MYO19: variants seen among roughly 807,000 people sequenced by gnomAD.
The protein encoded by MYO19 is myosin XIX.
Under a neutral mutation model 129.2 loss-of-function variants are expected in MYO19, and 132 were observed. The ratio of observed to expected loss-of-function variants is 1.02; its 90% CI spans 0.89 to 1.18. MYO19 has a LOEUF of 1.18. Among genes scored for constraint, MYO19 ranks in the 50% most tolerant of loss-of-function variants. The pLI is 0.00. For missense variants in MYO19, 1,210 were observed against 1,216.7 expected (o/e 0.99, Z 0.08); for synonymous variants, 531 against 477.2 (o/e 1.11, Z -1.47).
At position 36,507,079 on chromosome 17, in the gene MYO19, G is replaced by A. The variant is rs770590300; in HGVS notation, c.1528C>T (p.Leu510=). Residue 510 remains leucine, a synonymous_variant, in exon 17 of 26, where the codon CTG becomes TTG. Coordinates refer to ENST00000614623, the MANE Select transcript of MYO19 (RefSeq NM_001163735.2). The part of the protein sequence containing the change: ...AQLQTRIETA[L]AGSPCLGHNK... Reference sequence around the variant, plus strand: ...TGGCCCAGGCAGGGGCTGCCTGCCAGGGCAGTCTCAATGCGTGTCTGGAGC... The same window carrying A: ...TGGCCCAGGCAGGGGCTGCCTGCCAAGGCAGTCTCAATGCGTGTCTGGAGC... The A allele has an allele frequency of 1.2e-6, 2 of 1,613,498 alleles. No individual in the cohort carries two copies. The highest frequency in any genetic ancestry group is 1.3e-5 in the African/African-American group (1 of 74,934).
intron 5 of MYO19, among the ~76,000 whole-genome samples, chr17:36,527,292 C>T (rs1220727461): frequency 6.6e-6 from 1 of 151,870 alleles, no homozygotes; most frequent in African/African-American, 2.4e-5. Context: ...AAAAAAAATC[C>T]TTTCTCTTAT....
intron 6 of MYO19, among the ~76,000 whole-genome samples, chr17:36,521,847 A>G (rs1020193300): frequency 6.6e-6 from 1 of 151,926 alleles, no homozygotes; most frequent in Non-Finnish European, 1.5e-5. Context: ...CTTGGCCAAC[A>G]TGGTGAAACC....
At position 36,528,064 on chromosome 17, in the gene MYO19, C is replaced by T. The variant is rs775802725; in HGVS notation, c.151G>A (p.Val51Ile). 1.9e-6 allele frequency: 3 copies of T among 1,612,690 alleles called. No individual in the cohort carries two copies. In the African/African-American group the frequency reaches 4.0e-5, roughly 21 times the overall value. Residue 51 changes from valine to isoleucine, a missense_variant and splice_region_variant, in exon 4 of 26, where the codon GTC becomes ATC. By Grantham distance (29) the Val-to-Ile change is conservative (BLOSUM62 3). Transcript: ENST00000614623. ...TRVNPVTLET[V>I]LRCLQARYMA... is the part of the protein sequence containing the mutation. ...CTCCTGAGGAATGGGAGGCCCATAC[C>T]TGTCTCTAGTGTCACAGGATTCACC...
At chr17:36,518,955 A>C (rs927306423) in intron 6 of MYO19, among the ~76,000 whole-genome samples, 1 of 152,132 alleles carries the variant, frequency 6.6e-6, no homozygotes, top group Non-Finnish European at 1.5e-5. Flanking sequence ...CTCAAGGAAC[A>C]TAGTTTGTAT....
At chr17:36,542,451 G>A (rs907436295) in intron 1 of MYO19, among the ~76,000 whole-genome samples, 2 of 152,138 alleles carry the variant, frequency 1.3e-5, no homozygotes, top group Non-Finnish European at 1.5e-5. Flanking sequence ...TGTAATCCCA[G>A]CACTTTGGGA....
rs746378255 is a variant in MYO19, at chr17:36,498,447, G to A, written c.2576C>T (p.Ala859Val). ...TSPLQTRLLE[A>V]IIRLWPLGLV... is the part of the protein sequence containing the mutation. Reference sequence around the variant, plus strand: ...TCCCAGGGGCCAGAGGCGGATTATTGCCTCCAGGAGCCTGGTCTGCAGCGG... The same window carrying A: ...TCCCAGGGGCCAGAGGCGGATTATTACCTCCAGGAGCCTGGTCTGCAGCGG... Residue 859 changes from alanine to valine, a missense_variant, in exon 25 of 26, where the codon GCA becomes GTA. Transcript: ENST00000614623. The A allele has an allele frequency of 1.9e-6, 3 of 1,614,006 alleles. No individual in the cohort carries two copies. The highest frequency in any genetic ancestry group is 1.1e-5 in the South Asian group (1 of 91,088).
upstream of MYO19, chr17:36,537,464 A>G (rs777617587): frequency 6.2e-7 from 1 of 1,614,186 alleles, no homozygotes; most frequent in Non-Finnish European, 8.5e-7. Flanking sequence ...ACATCAGTCT[A>G]GAATCAGAAT....
intron 19 of MYO19, 114 bp downstream of exon 19, chr17:36,505,183 C>T (rs374982183): frequency 1.3e-5 from 12 of 957,710 alleles, no homozygotes; most frequent in African/African-American, 4.8e-5. Context: ...CAGGCCTGGC[C>T]GGAGAGACCA....
intron 13 of MYO19, chr17:36,509,715 A>AT (rs1317933142): frequency 6.6e-6 from 1 of 152,576 alleles, no homozygotes; most frequent in East Asian, 1.9e-4. Flanking sequence ...TCTTCCTCAC[A>AT]TTTTTTCTTA....
Position 36,496,302 on chromosome 17 carries a change from T to G in MYO19, c.2862A>C (p.Glu954Asp). The change falls in exon 26 of 26, where the codon GAA (glutamate) becomes GAC (aspartate). Residue 954 changes from glutamate (E) to aspartate (D), a missense_variant. Physicochemically the swap from Glu to Asp is conservative, Grantham distance 45 (BLOSUM62 2). Transcript: ENST00000614623. ...SITGFNQILLERHRLIHVTSS... is the reference protein window; with the variant it reads ...SITGFNQILLDRHRLIHVTSS... ...AGGTCACGTGGATCAGCCTGTGTCT[T>G]TCCAGCAGAATCTGATTAAAGCCTG... 1 of 1,614,014 alleles carries G rather than the reference T, an allele frequency of 6.2e-7. No homozygotes were observed. Among genetic ancestry groups the G allele is most frequent in the Non-Finnish European group, 8.5e-7 (1 of 1,179,892 alleles).
chr17:36,514,487 A>C lies in MYO19; in HGVS notation c.679T>G (p.Cys227Gly). Residue 227 changes from cysteine to glycine, a missense_variant, in exon 9 of 26, where the codon TGC becomes GGC. By Grantham distance (159) the Cys-to-Gly change is radical (BLOSUM62 -3). Transcript: ENST00000614623. ...TYLLEKTRVA[C>G]QASSERNFHI... ...AAGTTCCTCTCACTGGAAGCCTGGCAGGCCACTCGAGTTTTCTCTAGGAGG... is the reference window on the plus strand; with the variant it reads ...AAGTTCCTCTCACTGGAAGCCTGGCCGGCCACTCGAGTTTTCTCTAGGAGG... 1 of 1,613,786 alleles carries C rather than the reference A, an allele frequency of 6.2e-7. No individual in the cohort carries two copies. The highest frequency in any genetic ancestry group is 8.5e-7 in the Non-Finnish European group (1 of 1,179,692).
upstream of MYO19, chr17:36,538,380 C>G (rs1384049594): frequency 1.2e-6 from 2 of 1,614,090 alleles, no homozygotes; most frequent in Non-Finnish European, 1.7e-6. Context: ...TTCAGAATCT[C>G]TAGTCCCTGA....
chr17:36,500,668 G>C (rs1349421735), intron 23 of MYO19, 162 bp downstream of exon 23: 1 of 993,710 alleles, frequency 1.0e-6, no homozygotes, highest in Non-Finnish European at 1.4e-6. Flanking sequence ...GAGACGTTAT[G>C]AGTGAGGGGG....
At position 36,507,126 on chromosome 17, in the gene MYO19, T is replaced by C. The variant is rs1249802967; in HGVS notation, c.1481A>G (p.Asn494Ser). ...CSLINEECRL[N>S]RPSSAAQLQT... ...GAGCTGGGCTGCGCTGCTGGGTCGA[T>C]TGAGGCGGCATTCCTGTGGGATGGG... The change falls in exon 17 of 26, where the codon AAT becomes AGT. Residue 494 changes from asparagine (N) to serine (S), a missense_variant. Coordinates refer to ENST00000614623, the MANE Select transcript of MYO19 (RefSeq NM_001163735.2). 4.4e-6 allele frequency: 7 copies of C among 1,602,732 alleles called. No individual in the cohort carries two copies. The highest frequency in any genetic ancestry group is 2.2e-5 in the East Asian group (1 of 44,544).
chr17:36,528,046 G>A lies in MYO19; in HGVS notation c.151+18C>T, dbSNP rs1397351193. ...AACCTCCTGGAGATGATACTCCTGA[G>A]GAATGGGAGGCCCATACCTGTCTCT... is the stretch of plus-strand genomic sequence containing the variant. On this transcript the variant is annotated intron_variant, in intron 4 of 25. Transcript: ENST00000614623. 4 of 1,606,324 alleles carry A rather than the reference G, an allele frequency of 2.5e-6. No homozygotes were observed. Among genetic ancestry groups the A allele is most frequent in the South Asian group, 1.1e-5 (1 of 90,928 alleles).
chr17:36,529,801 G>A (rs1056523158), intron 3 of MYO19, among the ~76,000 whole-genome samples: 2 of 152,182 alleles, frequency 1.3e-5, no homozygotes, highest in Non-Finnish European at 2.9e-5. Context: ...TGAGTATAGT[G>A]ATCAAGTACC....
At chr17:36,515,231 CTCA>C in intron 7 of MYO19, 49 bp from the exon 8 acceptor site, 7 of 1,556,954 alleles carry the variant, frequency 4.5e-6, no homozygotes, top group Non-Finnish European at 6.1e-6. Context: ...TTGCAGAGTC[CTCA>C]TAAGCCAAGG....
intron 23 of MYO19, chr17:36,499,862 G>GTTTT: frequency 7.7e-6 from 1 of 129,636 alleles, no homozygotes; most frequent in Non-Finnish European, 1.6e-5. Context: ...ATGTTTTGTT[G>GTTTT]TTTTTTTTTT....
intron 7 of MYO19, 92 bp from the exon 8 acceptor site, chr17:36,515,274 C>T (rs538652879): frequency 3.4e-6 from 4 of 1,180,202 alleles, no homozygotes; most frequent in South Asian, 1.5e-5. Flanking sequence ...GTCATGTTCC[C>T]GTGCTCAAGT....
Sources: allele counts gnomAD v4.1 joint callset (sites outside exome capture counted in the v4.1 genomes callset), GRCh38; gene constraint gnomAD v4.1.1; transcripts MANE v1.5; gene names NCBI Gene and HGNC (gene_info 2026-07-23, HGNC 2026-07-21).